The following NEBL variants were observed in gnomAD, a reference collection of about 807,000 sequenced individuals.
NEBL encodes nebulette.
NEBL carries 122 observed loss-of-function variants against 140.2 expected under a neutral mutation model. The observed-to-expected ratio is 0.87, with a 90% CI of 0.75 to 1.01. NEBL has a LOEUF of 1.01. NEBL is among the 50% of genes least tolerant of loss of function. The pLI is 0.00. For synonymous variants in NEBL, 436 were observed against 398.9 expected, an observed-to-expected ratio of 1.09 and a Z score of -1.11; for missense variants, 1,365 against 1,231.3, an observed-to-expected ratio of 1.11 and a Z score of -1.62.
chr10:21,020,037 C>A, intron 3 of NEBL: 1 of 1,260,352 alleles, frequency 7.9e-7, no homozygotes, highest in East Asian at 2.3e-5. Flanking sequence ...AGGAACAGTA[C>A]GAAGACAAGA....
At chr10:21,164,215 A>C (rs1414094559) in intron 2 of NEBL, among the ~76,000 whole-genome samples, 1 of 152,232 alleles carries the variant, frequency 6.6e-6, no homozygotes, top group Admixed American at 6.5e-5. Context: ...CTAAGGCTAA[A>C]AGCCAAGGTC....
chr10:20,952,617 T>A (rs1835535726), intron 4 of NEBL, among the ~76,000 whole-genome samples: 1 of 151,722 alleles, frequency 6.6e-6, no homozygotes, highest in South Asian at 2.1e-4. Context: ...AGAAACTAGC[T>A]CATCTGTCAG....
chr10:21,104,638 C>T (rs966447483), intron 2 of NEBL, among the ~76,000 whole-genome samples: 10 of 152,042 alleles, frequency 6.6e-5, no homozygotes, highest in Admixed American at 1.3e-4. Context: ...AGATTCCCTA[C>T]GATTATCCAC....
chr10:20,878,189 T>C (rs911989770), intron 5 of NEBL, among the ~76,000 whole-genome samples: 1 of 152,160 alleles, frequency 6.6e-6, no homozygotes, highest in South Asian at 2.1e-4. Flanking sequence ...ATGAGCCCTC[T>C]CCCTCATTCT....
At chr10:20,835,208 A>G (rs1172694508) in intron 14 of NEBL, among the ~76,000 whole-genome samples, 1 of 152,228 alleles carries the variant, frequency 6.6e-6, no homozygotes, top group Non-Finnish European at 1.5e-5. Flanking sequence ...AACATTTATC[A>G]TAGCCTAGAT....
rs146415247 is a variant in NEBL at position 20,953,506 on chromosome 10, A to ATTTTTT, written c.357+8160_357+8165dup. Among the ~76,000 whole-genome samples the ATTTTTT allele has an allele frequency of 9.2e-5, 11 of 119,774 alleles. No individual in the cohort carries two copies. In the East Asian group the frequency reaches 2.1e-3, roughly 23 times the overall value. The allele number at this position is 119,774 out of a possible 152,430, so 78.6% of individuals were successfully genotyped here. ...CCTGAGCAGACTAAGACAAGCCCTA[A>ATTTTTT]TTTTTTTTTTTTTTTTTTTTTTGTA... On this transcript the variant is annotated intron_variant, in intron 4 of 6. Coordinates refer to the NEBL transcript ENST00000417816.
chr10:21,166,219 CAAAAAAAAAAAAAA>C (rs1170225891), intron 2 of NEBL, among the ~76,000 whole-genome samples: 4,843 of 35,406 alleles, frequency 0.14, 175 homozygotes, highest in Non-Finnish European at 0.22. Context: ...GACTGTGTCT[CAAAAAAAAAAAAAA>C]AAAAAAAAAA....
At chr10:20,983,225 C>T (rs1299250774) in intron 3 of NEBL, among the ~76,000 whole-genome samples, 1 of 152,196 alleles carries the variant, frequency 6.6e-6, no homozygotes, top group Non-Finnish European at 1.5e-5. Flanking sequence ...AATGCTGAGA[C>T]TTTACGATTC....
intron 7 of NEBL, among the ~76,000 whole-genome samples, chr10:20,864,666 A>G (rs1352714794): frequency 6.6e-6 from 1 of 152,130 alleles, no homozygotes. Context: ...TCTCCCTGTT[A>G]TTAAATCCCT....
chr10:20,845,188 A>G (rs1841784793), intron 12 of NEBL, 70 bp downstream of exon 12: 2 of 949,182 alleles, frequency 2.1e-6, no homozygotes, highest in African/African-American at 1.7e-5. Flanking sequence ...GTAGAGAATT[A>G]GGTAAACATT....
At chr10:20,934,729 G>T (rs1022477188) in intron 4 of NEBL, among the ~76,000 whole-genome samples, 2 of 152,170 alleles carry the variant, frequency 1.3e-5, no homozygotes. Context: ...TTGGTTTGTA[G>T]TGTCAGAGTA....
intron 2 of NEBL, among the ~76,000 whole-genome samples, chr10:21,071,819 T>C (rs1835829499): frequency 6.6e-6 from 1 of 151,964 alleles, no homozygotes; most frequent in Non-Finnish European, 1.5e-5. Context: ...TTTTTGTTTT[T>C]GATTTTGTCT....
intron 3 of NEBL, among the ~76,000 whole-genome samples, chr10:20,971,160 AG>A (rs1398914479): frequency 2.0e-5 from 3 of 152,264 alleles, no homozygotes; most frequent in Non-Finnish European, 4.4e-5. Context: ...CTTTTAGGAA[AG>A]ATCAGATTAG....
At chr10:20,999,673 G>A (rs1032701501) in intron 3 of NEBL, among the ~76,000 whole-genome samples, 1 of 152,012 alleles carries the variant, frequency 6.6e-6, no homozygotes, top group Non-Finnish European at 1.5e-5. Flanking sequence ...ACCCAGGGTT[G>A]TAAAAGCCAA....
chr10:20,948,026 G>A (rs1422821926), intron 4 of NEBL, among the ~76,000 whole-genome samples: 1 of 152,178 alleles, frequency 6.6e-6, no homozygotes, highest in Admixed American at 6.5e-5. Context: ...GAAAGTTGAT[G>A]GATTTGTGCT....
At chr10:21,148,256 C>T (rs903954020) in intron 2 of NEBL, among the ~76,000 whole-genome samples, 21 of 152,228 alleles carry the variant, frequency 1.4e-4, no homozygotes, top group African/African-American at 4.8e-4. Flanking sequence ...TATTATGAAA[C>T]ATGTACATTG....
intron 2 of NEBL, among the ~76,000 whole-genome samples, chr10:21,162,112 G>A (rs1202996934): frequency 6.6e-6 from 1 of 152,140 alleles, no homozygotes; most frequent in African/African-American, 2.4e-5. Context: ...TAAAAACTCT[G>A]GATACCAAAG....
chr10:21,111,095 G>C (rs1386422934), intron 2 of NEBL, among the ~76,000 whole-genome samples: 1 of 152,016 alleles, frequency 6.6e-6, no homozygotes, highest in Admixed American at 6.6e-5. Context: ...AATAAAAGAG[G>C]ACACAAACAA....
intron 1 of NEBL, among the ~76,000 whole-genome samples, chr10:21,258,746 A>G (rs56325648): frequency 6.7e-6 from 1 of 149,724 alleles, no homozygotes; most frequent in Non-Finnish European, 1.5e-5. Flanking sequence ...AGGTGTGGTG[A>G]CAGGCGCCTG....
Sources: allele counts gnomAD v4.1 joint callset (sites outside exome capture counted in the v4.1 genomes callset), GRCh38; gene constraint gnomAD v4.1.1; transcripts MANE v1.5; gene names NCBI Gene and HGNC (gene_info 2026-07-23, HGNC 2026-07-21).